SETD1A: variants seen among roughly 807,000 people sequenced by gnomAD.
SETD1A encodes the protein SET domain containing 1A, histone lysine methyltransferase.
Under a neutral mutation model 149.9 loss-of-function variants are expected in SETD1A, and 29 were observed. The observed-to-expected ratio is 0.19, with a 90% CI of 0.14 to 0.26. The LOEUF (loss-of-function observed/expected upper bound fraction) is 0.26. Ranked by LOEUF, SETD1A falls within the 10% of genes least tolerant of loss-of-function variation. The pLI is 1.00. For synonymous variants in SETD1A, 1,141 were observed against 968.5 expected, an observed-to-expected ratio of 1.18 and a Z score of -3.31; for missense variants, 2,109 against 2,353.1, an observed-to-expected ratio of 0.90 and a Z score of 2.15.
In SETD1A at chr16:30,965,776, A is replaced by T. The variant is rs1447193931; in HGVS notation, c.1895A>T (p.Tyr632Phe). The change falls in exon 8 of 19, where the codon TAC becomes TTC. Residue 632 changes from tyrosine (Y) to phenylalanine (F), a missense_variant. By Grantham distance (22) the Tyr-to-Phe change is conservative (BLOSUM62 3). Coordinates refer to ENST00000262519, the MANE Select transcript of SETD1A (RefSeq NM_014712.3). ...GGTTATCCTCCCCACCAACCTGCCT[A>T]CCTCCTCCCACCCAGACCTGATGGG... ...PLGYPPHQPA[Y>F]LLPPRPDGPP... 5.1e-6 allele frequency: 8 copies of T among 1,575,352 alleles called. No homozygotes were observed. The highest frequency in any genetic ancestry group is 6.9e-6 in the Non-Finnish European group (8 of 1,162,260).
At chr16:30,963,736 T>G (rs2056088878) in intron 5 of SETD1A, among the ~76,000 whole-genome samples, 182 bp downstream of exon 5, 1 of 152,232 alleles carries the variant, frequency 6.6e-6, no homozygotes, top group African/African-American at 2.4e-5. Context: ...CTCACGCCTG[T>G]AATCCCAGCA....
intron 13 of SETD1A, among the ~76,000 whole-genome samples, chr16:30,977,108 G>A (rs1461837981): frequency 6.6e-6 from 1 of 152,106 alleles, no homozygotes; most frequent in East Asian, 1.9e-4. Context: ...CATCACGCCC[G>A]CTAATTTTTG....
rs896623949 is a variant in SETD1A at position 30,964,772 on chromosome 16, T to G, written c.1030T>G (p.Leu344Val). 8 of 1,614,074 alleles carry G rather than the reference T, an allele frequency of 5.0e-6. No homozygotes were observed. Among genetic ancestry groups the G allele is most frequent in the Non-Finnish European group, 6.8e-6 (8 of 1,180,018 alleles). Reference sequence around the variant, plus strand: ...CTCATCCTCCGCCTCTTCCTCCTCATTGTCCTCGTCCTCCTCGTCATCCTC... The same window carrying G: ...CTCATCCTCCGCCTCTTCCTCCTCAGTGTCCTCGTCCTCCTCGTCATCCTC... ...TASSSASSSS[L>V]SSSSSSSSSS... is the part of the protein sequence containing the mutation. Residue 344 changes from leucine to valine, a missense_variant, in exon 7 of 19, where the codon TTG becomes GTG. Transcript: ENST00000262519.
In SETD1A at chr16:30,980,005, C is replaced by T. The variant is rs746124032; in HGVS notation, c.4219C>T (p.Pro1407Ser). ...CCGGCGCCGCCGCCCTCCGCCCCCACCCCCGCCGCCACCGCCCCGCGCCTA... is the reference window on the plus strand; with the variant it reads ...CCGGCGCCGCCGCCCTCCGCCCCCATCCCCGCCGCCACCGCCCCGCGCCTA... The part of the protein sequence containing the change: ...HARRRRPPPP[P>S]PPPPPRAYEP... The change falls in exon 14 of 19, where the codon CCC (proline) becomes TCC (serine). Residue 1407 changes from proline (P) to serine (S), a missense_variant. Transcript: ENST00000262519. The surrounding 1 kb of genome is among the most constrained non-coding windows in gnomAD (Gnocchi z 7.7). The T allele has an allele frequency of 7.4e-6, 11 of 1,489,060 alleles. No individual in the cohort carries two copies. The East Asian group carries it at 2.4e-4, about 32-fold the overall frequency. 92.2% of individuals were successfully genotyped at this position (1,489,060 alleles called of 1,614,324 possible). A position where few individuals can be genotyped will look rare whatever the true frequency, so the allele number is the denominator to read the frequency against.
Position 30,966,038 on chromosome 16 carries a change from AC to A in SETD1A, c.2162del (p.Pro721ArgfsTer82). The A allele has an allele frequency of 6.5e-7, 1 of 1,542,758 alleles. No individual in the cohort carries two copies. On this transcript the variant is annotated frameshift_variant, in exon 8 of 19. Coordinates refer to ENST00000262519, the MANE Select transcript of SETD1A (RefSeq NM_014712.3). LOFTEE classifies it high-confidence loss of function. ...TTGGGGAGGCCTTCCTCCCGTTTCC[AC>A]CCCCGCAGGAGGCAGCCTACGGCTT... Reference protein sequence around the residue: ...AFGEAFLPFPPPQEAAYGLPY... With the variant: ...AFGEAFLPFPXPQEAAYGLPY...
Position 30,980,930 on chromosome 16 carries a change from T to C in SETD1A, c.4692+81T>C. ...GAGGCCAGGGGACCACCCAGCAGGC[T>C]CCTGTGGTTCCCTCGGGTGGAGTTG... On this transcript the variant is annotated intron_variant, in intron 16 of 18. Coordinates refer to ENST00000262519, the MANE Select transcript of SETD1A (RefSeq NM_014712.3). The surrounding 1 kb of genome is among the most constrained non-coding windows in gnomAD (Gnocchi z 7.7). 3 of 1,559,006 alleles carry C rather than the reference T, an allele frequency of 1.9e-6. No individual in the cohort carries two copies. Among genetic ancestry groups the C allele is most frequent in the Non-Finnish European group, 2.6e-6 (3 of 1,141,198 alleles).
chr16:30,981,780 G>GT (rs2056381543), intron 17 of SETD1A, among the ~76,000 whole-genome samples: 1 of 152,132 alleles, frequency 6.6e-6, no homozygotes, highest in Non-Finnish European at 1.5e-5. Context: ...GCCAGACCCC[G>GT]TTTCTGCAAA....
At position 30,981,963 on chromosome 16, in the gene SETD1A, A is replaced by G. The variant is rs576689605; in HGVS notation, c.4812+783A>G. On this transcript the variant is annotated intron_variant, in intron 17 of 18. Transcript: ENST00000262519. ...GAGACCGTGTCTCTAGAAAAAACAA[A>G]AGCCAAAAGGATGGCATTTGGTATT... Among the ~76,000 whole-genome samples the G allele has an allele frequency of 3.9e-5, 6 of 152,154 alleles. No homozygotes were observed. The East Asian group carries it at 1.2e-3, about 30-fold the overall frequency.
intron 17 of SETD1A, among the ~76,000 whole-genome samples, chr16:30,982,373 C>T (rs951681103): frequency 1.1e-4 from 16 of 151,752 alleles, no homozygotes; most frequent in Non-Finnish European, 1.9e-4. Context: ...TGGTGGCAGG[C>T]GCCTGTAATC....
rs146416377 is a variant in SETD1A, at chr16:30,964,780, G to A, written c.1038G>A (p.Ser346=). Residue 346 remains serine (S), a synonymous_variant, in exon 7 of 19, where the codon TCG becomes TCA. Coordinates refer to ENST00000262519, the MANE Select transcript of SETD1A (RefSeq NM_014712.3). ...CCGCCTCTTCCTCCTCATTGTCCTC[G>A]TCCTCCTCGTCATCCTCTTCCTCCT... ...SSSASSSSLS[S]SSSSSSSSSS... 5,741 of 1,614,060 alleles carry A rather than the reference G, an allele frequency of 3.6e-3. 22 individuals carry two copies. The highest frequency in any genetic ancestry group is 3.5e-3 in the Non-Finnish European group (4,124 of 1,179,990).
At chr16:30,975,258 C>T (rs973646676) in intron 13 of SETD1A, among the ~76,000 whole-genome samples, 6 of 151,778 alleles carry the variant, frequency 4.0e-5, no homozygotes, top group African/African-American at 1.5e-4. Flanking sequence ...TGCGGTGAGC[C>T]GAAATTGTAC....
At chr16:30,959,785 G>A (rs1405258773) in intron 3 of SETD1A, among the ~76,000 whole-genome samples, 1 of 148,982 alleles carries the variant, frequency 6.7e-6, no homozygotes, top group Non-Finnish European at 1.5e-5. Flanking sequence ...CACTTCACTT[G>A]GACAATCTCT....
At position 30,964,995 on chromosome 16, in the gene SETD1A, G is replaced by C. The variant is rs1279400128; in HGVS notation, c.1253G>C (p.Ser418Thr). ...ACCTCCTACCTGCCCCCCGAGCCCA[G>C]CCGGCCCACCGACCAGGACTACCGG... is the stretch of plus-strand genomic sequence containing the variant. ...SYTSYLPPEP[S>T]RPTDQDYRPP... The change falls in exon 7 of 19, where the codon AGC becomes ACC. Residue 418 changes from serine (S) to threonine (T), a missense_variant. Ser to Thr is a moderately conservative substitution (Grantham distance 58). Coordinates refer to ENST00000262519, the MANE Select transcript of SETD1A (RefSeq NM_014712.3). 6.2e-7 allele frequency: 1 copy of C among 1,613,780 alleles called. No homozygotes were observed. The highest frequency in any genetic ancestry group is 1.3e-5 in the African/African-American group (1 of 75,028).
rs1313514022 is a variant in SETD1A at position 30,983,741 on chromosome 16, A to T, written c.4919A>T (p.Asn1640Ile). ...ATCATCGATGCCACCAAGTGTGGCA[A>T]CCTGGCCAGATTCATCAACCACTGC... ...DTIIDATKCG[N>I]LARFINHCCT... Residue 1640 changes from asparagine to isoleucine, a missense_variant, in exon 18 of 19, where the codon AAC becomes ATC. Physicochemically the swap from Asn to Ile is moderately radical, Grantham distance 149. Around this residue, in one of 8 missense-constraint regions of SETD1A, gnomAD observed 254 missense variants for 409.3 expected, o/e 0.62. Transcript: ENST00000262519. The surrounding 1 kb of genome is among the most constrained non-coding windows in gnomAD (Gnocchi z 6.8). 1 of 1,614,110 alleles carries T rather than the reference A, an allele frequency of 6.2e-7. No individual in the cohort carries two copies.
intron 1 of SETD1A, 149 bp from the exon 2 acceptor site, chr16:30,958,568 G>A (rs1596667170): frequency 1.5e-6 from 1 of 649,762 alleles, no homozygotes. Flanking sequence ...AGGGTACTTG[G>A]GGGAGAATCC....
Position 30,957,938 on chromosome 16 carries a change from A to G in SETD1A, c.-42A>G, listed in dbSNP as rs1465134329. 6.6e-6 allele frequency: 1 copy of G among 152,278 alleles called. No homozygotes were observed. The highest frequency in any genetic ancestry group is 1.5e-5 in the Non-Finnish European group (1 of 68,022). The allele number at this position is 152,278 out of a possible 1,614,324, so 9.4% of individuals were successfully genotyped here. On this transcript the variant is annotated 5_prime_UTR_variant, in exon 1 of 19. Transcript: ENST00000262519. ...GCCTGTGGCGAAAGTGCGAATGCAG[A>G]CCCTGTGCCCGCTGGGCCTCGCGCA... is the stretch of plus-strand genomic sequence containing the variant.
Position 30,964,952 on chromosome 16 carries a change from C to G in SETD1A, c.1210C>G (p.Arg404Gly), listed in dbSNP as rs554385224. ...CCCTTTTGCTGAAAATACAGCTGAGCGCTTCCCACCTTCTTACACCTCCTA... is the reference window on the plus strand; with the variant it reads ...CCCTTTTGCTGAAAATACAGCTGAGGGCTTCCCACCTTCTTACACCTCCTA... ...GAPFAENTAERFPPSYTSYLP... is the reference protein window; with the variant it reads ...GAPFAENTAEGFPPSYTSYLP... The change falls in exon 7 of 19, where the codon CGC becomes GGC. Residue 404 changes from arginine to glycine, a missense_variant. Arg to Gly is a moderately radical substitution (Grantham distance 125). Around this residue, in one of 8 missense-constraint regions of SETD1A, gnomAD observed 410 missense variants for 394.8 expected, o/e 1.04. Transcript: ENST00000262519. 4 of 1,614,084 alleles carry G rather than the reference C, an allele frequency of 2.5e-6. No homozygotes were observed. The South Asian group carries it at 4.4e-5, about 18-fold the overall frequency.
Position 30,971,369 on chromosome 16 carries a change from G to T in SETD1A, c.3017-9G>T. The T allele has an allele frequency of 5.8e-6, 9 of 1,563,828 alleles. No homozygotes were observed. The highest frequency in any genetic ancestry group is 7.8e-6 in the Non-Finnish European group (9 of 1,149,652). ...CCACCTCTCCTGACTGCCCCTTCTG[G>T]ATTTCCAGGCGAGGACGAGGAAAGC... On this transcript the variant is annotated splice_polypyrimidine_tract_variant and intron_variant, in intron 12 of 18. Transcript: ENST00000262519.
intron 9 of SETD1A, 44 bp downstream of exon 9, chr16:30,967,104 GA>G (rs1262202692): frequency 1.4e-6 from 2 of 1,466,952 alleles, no homozygotes; most frequent in Non-Finnish European, 1.8e-6. Flanking sequence ...GGGAGAGGGA[GA>G]GGGGGCCCCC....
Sources: gnomAD v4.1 joint callset for allele counts (sites outside exome capture counted in the v4.1 genomes callset) on GRCh38, gnomAD v4.1.1 for gene constraint, gnomAD v4.1.1 regional missense constraint, Gnocchi (gnomAD v3.1) non-coding constraint, MANE v1.5 for transcripts, NCBI Gene and HGNC (gene_info 2026-07-23, HGNC 2026-07-21) for gene names.